Variants in BTRC observed in about 807,000 individuals in gnomAD.
The protein encoded by BTRC is beta-transducin repeat containing E3 ubiquitin protein ligase.
Under a neutral mutation model 85.5 loss-of-function variants are expected in BTRC, and 42 were observed. The observed-to-expected ratio is 0.49, with a 90% CI of 0.38 to 0.64. The LOEUF is 0.64. Ranked by LOEUF, BTRC falls within the 30% of genes least tolerant of loss-of-function variation. The pLI is 0.00. For synonymous variants in BTRC, 255 were observed against 263.3 expected (o/e 0.97, Z 0.30); for missense variants, 594 against 743.5 (o/e 0.80, Z 2.34).
At chr10:101,471,128 A>G (rs1431904158) in intron 3 of BTRC, among the ~76,000 whole-genome samples, 2 of 152,238 alleles carry the variant, frequency 1.3e-5, no homozygotes, top group Non-Finnish European at 2.9e-5. Context: ...GAAATCAGGT[A>G]GTGTGAGTTC....
chr10:101,487,219 T>A (rs1946012520), intron 4 of BTRC, among the ~76,000 whole-genome samples: 2 of 152,198 alleles, frequency 1.3e-5, no homozygotes, highest in Non-Finnish European at 2.9e-5. Context: ...GCTTATGGAT[T>A]TGAGTTAATA....
intron 3 of BTRC, among the ~76,000 whole-genome samples, chr10:101,468,383 A>G (rs969622919): frequency 1.3e-5 from 2 of 150,670 alleles, no homozygotes; most frequent in African/African-American, 4.9e-5. Context: ...CTCTGGATGT[A>G]CCATTAAAAA....
At chr10:101,548,185 T>G (rs2062587999) in intron 13 of BTRC, among the ~76,000 whole-genome samples, 1 of 152,198 alleles carries the variant, frequency 6.6e-6, no homozygotes, top group Non-Finnish European at 1.5e-5. Flanking sequence ...TCATAGTATC[T>G]TCTAAAGCCA....
chr10:101,449,633 T>G (rs1456698006), intron 2 of BTRC, among the ~76,000 whole-genome samples: 1 of 152,136 alleles, frequency 6.6e-6, no homozygotes, highest in Non-Finnish European at 1.5e-5. Context: ...CCTATAGATT[T>G]AAAGGTAAAA....
chr10:101,375,271 C>A (rs920053838), intron 1 of BTRC, among the ~76,000 whole-genome samples: 2 of 151,968 alleles, frequency 1.3e-5, no homozygotes, highest in Non-Finnish European at 2.9e-5. Flanking sequence ...TCTCTGCCCC[C>A]CTCTCTTCCC....
At chr10:101,476,570 C>G (rs1321640008) in intron 3 of BTRC, among the ~76,000 whole-genome samples, 1 of 151,822 alleles carries the variant, frequency 6.6e-6, no homozygotes, top group Non-Finnish European at 1.5e-5. Context: ...CTCCAGGGCT[C>G]AGTCAGTCCT....
intron 4 of BTRC, among the ~76,000 whole-genome samples, chr10:101,486,111 G>T (rs1408910384): frequency 6.6e-6 from 1 of 152,172 alleles, no homozygotes; most frequent in East Asian, 1.9e-4. Flanking sequence ...AGGAAAGAGA[G>T]AGGCAAGGCA....
chr10:101,392,012 C>T (rs1032229958), intron 1 of BTRC, among the ~76,000 whole-genome samples: 1 of 152,024 alleles, frequency 6.6e-6, no homozygotes, highest in Non-Finnish European at 1.5e-5. Flanking sequence ...CGGAGGCTTG[C>T]TCTGTCGCCC....
intron 4 of BTRC, among the ~76,000 whole-genome samples, chr10:101,493,422 C>A (rs1041887491): frequency 1.3e-5 from 2 of 152,152 alleles, no homozygotes; most frequent in Admixed American, 6.5e-5. Context: ...AGTAATTTGC[C>A]CAAGGTCATA....
rs147538862 is a variant in BTRC at position 101,395,196 on chromosome 10, T to G, written c.49-35149T>G. On this transcript the variant is annotated intron_variant, in intron 1 of 14. Transcript: ENST00000370187. ...GAGGTTTCCTACCAATACAGCAAAC[T>G]CTAAGGAAAGAAGAAGGTAGGGTTG... 1.3e-3 allele frequency among the ~76,000 whole-genome samples: 201 copies of G among 152,242 alleles called. 1 individual carries two copies. The highest frequency in any genetic ancestry group is 4.6e-3 in the African/African-American group (192 of 41,550).
chr10:101,372,969 C>T (rs1942682291), intron 1 of BTRC, among the ~76,000 whole-genome samples: 1 of 152,200 alleles, frequency 6.6e-6, no homozygotes, highest in Non-Finnish European at 1.5e-5. Flanking sequence ...GAGATCTTAA[C>T]ACTATTGAGT....
chr10:101,479,328 A>G lies in BTRC; in HGVS notation c.235-40A>G. On this transcript the variant is annotated intron_variant, in intron 3 of 14. Coordinates refer to ENST00000370187, the MANE Select transcript of BTRC (RefSeq NM_033637.4). The stretch of plus-strand genomic sequence containing the variant: ...TGAAAACAGGATATGGCAGTATTTC[A>G]ATATTTTAAAAACCTGTTTCCAACA... 4 of 1,488,160 alleles carry G rather than the reference A, an allele frequency of 2.7e-6. 1 individual carries two copies. The Middle Eastern group carries it at 6.9e-4, about 257-fold the overall frequency. The allele number at this position is 1,488,160 out of a possible 1,614,324, so 92.2% of individuals were successfully genotyped here. A position where few individuals can be genotyped will look rare whatever the true frequency, so the allele number is the denominator to read the frequency against.
At chr10:101,514,183 G>A (rs1188242602) in intron 4 of BTRC, among the ~76,000 whole-genome samples, 3 of 152,242 alleles carry the variant, frequency 2.0e-5, no homozygotes, top group African/African-American at 7.2e-5. Context: ...AGTCCTTTGT[G>A]AAATACATTT....
intron 1 of BTRC, among the ~76,000 whole-genome samples, chr10:101,367,319 C>G (rs1942495596): frequency 1.3e-5 from 2 of 151,402 alleles, no homozygotes; most frequent in Non-Finnish European, 2.9e-5. Flanking sequence ...CTGCCTGCCT[C>G]GGCCTCCCAA....
At chr10:101,382,901 G>A (rs1942971613) in intron 1 of BTRC, among the ~76,000 whole-genome samples, 1 of 151,900 alleles carries the variant, frequency 6.6e-6, no homozygotes, top group South Asian at 2.1e-4. Flanking sequence ...CAATTAAAGT[G>A]TACTTTTTAC....
At chr10:101,396,406 ATTT>A (rs1265051187) in intron 1 of BTRC, among the ~76,000 whole-genome samples, 3 of 127,116 alleles carry the variant, frequency 2.4e-5, no homozygotes, top group Admixed American at 8.2e-5. Flanking sequence ...GGAGGTGAAG[ATTT>A]TTTTTTTTTT....
At chr10:101,425,411 T>C (rs1419370424) in intron 1 of BTRC, among the ~76,000 whole-genome samples, 1 of 151,926 alleles carries the variant, frequency 6.6e-6, no homozygotes, top group African/African-American at 2.4e-5. Context: ...CAAAGGAGAG[T>C]CAATTGGGGT....
At chr10:101,386,399 A>C (rs1361304615) in intron 1 of BTRC, among the ~76,000 whole-genome samples, 1 of 152,086 alleles carries the variant, frequency 6.6e-6, no homozygotes. Flanking sequence ...CCTGGGAAAC[A>C]TTTATCTTCT....
intron 1 of BTRC, among the ~76,000 whole-genome samples, chr10:101,360,677 G>A: frequency 6.6e-6 from 1 of 152,000 alleles, no homozygotes; most frequent in East Asian, 1.9e-4. Flanking sequence ...GGCCTCTAGA[G>A]ATGGGATCTT....
Sources: gnomAD v4.1 joint callset for allele counts (sites outside exome capture counted in the v4.1 genomes callset) on GRCh38, gnomAD v4.1.1 for gene constraint, MANE v1.5 for transcripts, NCBI Gene and HGNC (gene_info 2026-07-23, HGNC 2026-07-21) for gene names.